KLF12: variants seen among roughly 807,000 people sequenced by gnomAD.
KLF12 encodes the protein Krueppel-like factor 12.
A neutral mutation model predicts 37.8 loss-of-function variants in KLF12; 9 were observed. The observed-to-expected ratio is 0.24, with a 90% confidence interval of 0.14 to 0.42. The LOEUF (loss-of-function observed/expected upper bound fraction) is 0.42. Ranked by LOEUF, KLF12 falls within the 10% of genes least tolerant of loss-of-function variation. The pLI, the probability that KLF12 is intolerant of heterozygous loss-of-function variation, is 1.00. For synonymous variants in KLF12, 208 were observed against 202.1 expected, an observed-to-expected ratio of 1.03 and a Z score of -0.25; for missense variants, 411 against 516.0, an observed-to-expected ratio of 0.80 and a Z score of 1.97.
intron 3 of KLF12, among the ~76,000 whole-genome samples, chr13:73,855,024 G>A (rs1885533700): frequency 6.6e-6 from 1 of 152,178 alleles, no homozygotes. Flanking sequence ...CAGCTGCAAT[G>A]GGTAAGTGTC....
At chr13:74,295,749 A>C in the KLF12 span, among the ~76,000 whole-genome samples, 1 of 152,136 alleles carries the variant, frequency 6.6e-6, no homozygotes, top group African/African-American at 2.4e-5. Flanking sequence ...TAATTCTGAA[A>C]GCTTTCCTGG....
chr13:74,068,790 C>T (rs1428577350), intron 1 of KLF12, among the ~76,000 whole-genome samples: 1 of 152,144 alleles, frequency 6.6e-6, no homozygotes, highest in East Asian at 1.9e-4. Flanking sequence ...CTCCTGGCCT[C>T]AAGTGATCTG....
chr13:73,887,490 C>T (rs191969862), intron 3 of KLF12, among the ~76,000 whole-genome samples: 1 of 152,218 alleles, frequency 6.6e-6, no homozygotes, highest in African/African-American at 2.4e-5. Context: ...CCTGCTCACC[C>T]CATGTTAAAC....
At chr13:73,696,269 T>C (rs995162331) in intron 7 of KLF12, among the ~76,000 whole-genome samples, 1 of 152,186 alleles carries the variant, frequency 6.6e-6, no homozygotes, top group Non-Finnish European at 1.5e-5. Flanking sequence ...GATGCCTTAA[T>C]AGTGTAAAGT....
intron 2 of KLF12, among the ~76,000 whole-genome samples, chr13:73,976,005 G>A (rs1205140272): frequency 6.6e-6 from 1 of 152,012 alleles, no homozygotes; most frequent in Non-Finnish European, 1.5e-5. Flanking sequence ...GCATTTACTA[G>A]TAAACCCCAT....
chr13:73,715,309 T>C, intron 7 of KLF12, 59 bp downstream of exon 7: 1 of 1,505,966 alleles, frequency 6.6e-7, no homozygotes, highest in East Asian at 2.3e-5. Context: ...CCGAGGTAAG[T>C]GGCCGGCGCT....
intron 5 of KLF12, among the ~76,000 whole-genome samples, chr13:73,793,949 C>G (rs187168074): frequency 6.6e-6 from 1 of 152,224 alleles, no homozygotes; most frequent in East Asian, 1.9e-4. Context: ...TCAGGTTTTT[C>G]AAGTATGTTG....
chr13:74,017,258 TAAAAAAAAAAAAA>T (rs56321692), intron 1 of KLF12, among the ~76,000 whole-genome samples: 9,168 of 45,982 alleles, frequency 0.2, 472 homozygotes, highest in Admixed American at 0.25. Context: ...GCCCTCAACC[TAAAAAAAAAAAAA>T]AAAAAAAAAA....
intron 2 of KLF12, among the ~76,000 whole-genome samples, chr13:73,966,655 G>C (rs377023516): frequency 1.6e-4 from 25 of 152,202 alleles, no homozygotes; most frequent in East Asian, 1.5e-3. Context: ...ACACAAAGTA[G>C]TCAATTCCTT....
At chr13:74,079,936 T>C (rs1874781626) in intron 1 of KLF12, among the ~76,000 whole-genome samples, 1 of 152,160 alleles carries the variant, frequency 6.6e-6, no homozygotes, top group African/African-American at 2.4e-5. Flanking sequence ...CACATCAGCA[T>C]TATTCCCATT....
intron 5 of KLF12, among the ~76,000 whole-genome samples, chr13:73,773,868 C>G (rs970312941): frequency 6.6e-6 from 1 of 152,006 alleles, no homozygotes; most frequent in Non-Finnish European, 1.5e-5. Flanking sequence ...ATTCACAGCC[C>G]CCCTTACCAG....
intron 3 of KLF12, among the ~76,000 whole-genome samples, chr13:73,894,625 T>C (rs768835073): frequency 1.6e-4 from 25 of 152,218 alleles, no homozygotes; most frequent in Non-Finnish European, 2.4e-4. Context: ...CAATTTCTCT[T>C]AAGCTAATAA....
intron 1 of KLF12, among the ~76,000 whole-genome samples, chr13:74,119,638 A>C (rs1229079924): frequency 1.3e-5 from 2 of 152,190 alleles, no homozygotes; most frequent in African/African-American, 2.4e-5. Context: ...TTGAGGACAG[A>C]TCAATACAAA....
At chr13:74,045,008 AAG>A in intron 1 of KLF12, among the ~76,000 whole-genome samples, 1 of 152,328 alleles carries the variant, frequency 6.6e-6, no homozygotes, top group Middle Eastern at 3.4e-3. Context: ...GTAGATAGAT[AAG>A]GGGGATGAGA....
chr13:73,918,078 C>T (rs1174123107), intron 3 of KLF12, among the ~76,000 whole-genome samples: 1 of 151,594 alleles, frequency 6.6e-6, no homozygotes, highest in Non-Finnish European at 1.5e-5. Flanking sequence ...ACACCAACAT[C>T]TACACACACA....
At chr13:73,717,479 G>T (rs1875902616) in intron 6 of KLF12, among the ~76,000 whole-genome samples, 1 of 152,168 alleles carries the variant, frequency 6.6e-6, no homozygotes, top group African/African-American at 2.4e-5. Context: ...TTGCTCCAGT[G>T]AATTTTTTCT....
intron 3 of KLF12, among the ~76,000 whole-genome samples, chr13:73,847,344 CT>C (rs1053788158): frequency 3.3e-4 from 50 of 152,118 alleles, no homozygotes; most frequent in Non-Finnish European, 6.0e-4. Flanking sequence ...GGAACAAAAA[CT>C]TTTTTTCACT....
intron 3 of KLF12, among the ~76,000 whole-genome samples, chr13:73,934,586 A>C (rs1889839338): frequency 6.6e-6 from 1 of 152,128 alleles, no homozygotes; most frequent in Admixed American, 6.5e-5. Flanking sequence ...TTCAGATAAG[A>C]AGACTGATTT....
chr13:74,273,456 T>C, the KLF12 span, among the ~76,000 whole-genome samples: 1 of 152,018 alleles, frequency 6.6e-6, no homozygotes, highest in Non-Finnish European at 1.5e-5. Context: ...AGCTTTTTTT[T>C]TTTCTGGAGC....
Sources: allele counts gnomAD v4.1 joint callset (sites outside exome capture counted in the v4.1 genomes callset), GRCh38; gene constraint gnomAD v4.1.1; transcripts MANE v1.5; gene names NCBI Gene and HGNC (gene_info 2026-07-23, HGNC 2026-07-21).